Variants in PRELID2 observed in about 807,000 individuals in gnomAD.
The protein encoded by PRELID2 is PRELI domain-containing protein 2.
In PRELID2, 25 loss-of-function variants were observed where a neutral mutation model predicts 28.4. The ratio of observed to expected loss-of-function variants is 0.88; its 90% CI spans 0.64 to 1.23. The LOEUF is 1.23. Ranked by LOEUF, PRELID2 falls within the 50% of genes most tolerant of loss-of-function variation. The pLI is 0.00. For synonymous variants in PRELID2, 76 were observed against 71.6 expected (o/e 1.06, Z -0.31); for missense variants, 201 against 214.4 (o/e 0.94, Z 0.39).
chr5:145,471,556 T>C (rs1376782281), downstream of PRELID2, among the ~76,000 whole-genome samples: 2 of 152,146 alleles, frequency 1.3e-5, no homozygotes, highest in Non-Finnish European at 2.9e-5. Context: ...ATAATGATAA[T>C]ATGGGTACCA....
intron 1 of PRELID2, among the ~76,000 whole-genome samples, chr5:145,637,913 C>T (rs1462449894): frequency 3.3e-5 from 5 of 150,932 alleles, no homozygotes; most frequent in South Asian, 2.1e-4. Flanking sequence ...TGGGTTCAAG[C>T]GATTCTCCTG....
chr5:145,523,599 A>G (rs1752582229), intron 1 of PRELID2, among the ~76,000 whole-genome samples: 1 of 152,058 alleles, frequency 6.6e-6, no homozygotes, highest in Non-Finnish European at 1.5e-5. Context: ...TGTGGCCCCT[A>G]CTTTCTGTGC....
In PRELID2 at chr5:145,796,520, A is replaced by T; in HGVS notation, c.396T>A (p.Ile132=). The change falls in exon 5 of 7, where the codon ATT becomes ATA. Residue 132 remains isoleucine (I), a synonymous_variant. Transcript: ENST00000683046. ...NWTEFIQRGR[I]SITGVGFLNC... ...TGAGAAATCCAACCCCTGTGATTGA[A>T]ATCCTGCCTCTTTGAATGAACTCTG... 1 of 1,608,312 alleles carries T rather than the reference A, an allele frequency of 6.2e-7. No homozygotes were observed. Among genetic ancestry groups the T allele is most frequent in the Non-Finnish European group, 8.5e-7 (1 of 1,176,882 alleles).
chr5:145,739,822 AT>A (rs1313874701), intron 1 of PRELID2, among the ~76,000 whole-genome samples: 1 of 151,928 alleles, frequency 6.6e-6, no homozygotes, highest in Non-Finnish European at 1.5e-5. Context: ...CAACCACCTA[AT>A]TTTTTTAAAA....
rs1438862644 is a variant in PRELID2, at chr5:145,543,618, C to G, written n.71-70303G>C. 3.9e-5 allele frequency among the ~76,000 whole-genome samples: 6 copies of G among 152,062 alleles called. No individual in the cohort carries two copies. The East Asian group carries it at 1.2e-3, about 29-fold the overall frequency. ...CTCAAACTTTCTTTCTCTGAAAGAACAGTAGCCAGTAAAATTCCAATTTAG... is the reference window on the plus strand; with the variant it reads ...CTCAAACTTTCTTTCTCTGAAAGAAGAGTAGCCAGTAAAATTCCAATTTAG... On this transcript the variant is annotated intron_variant and non_coding_transcript_variant, in intron 1 of 2. Coordinates refer to the PRELID2 transcript ENST00000510259.
Position 145,756,845 on chromosome 5 carries a change from T to C in PRELID2, c.*3691A>G, listed in dbSNP as rs144585866. On this transcript the variant is annotated 3_prime_UTR_variant, in exon 7 of 7. Transcript: ENST00000683046. ...AGCTTCCTAGAGGTAGGCACAGTAA[T>C]GGGAGAGATAAATGACAGATAAAAG... Among the ~76,000 whole-genome samples, 21 of 152,118 alleles carry C rather than the reference T, an allele frequency of 1.4e-4. No individual in the cohort carries two copies. Among genetic ancestry groups the C allele is most frequent in the African/African-American group, 4.6e-4 (19 of 41,508 alleles).
intron 5 of PRELID2, among the ~76,000 whole-genome samples, chr5:145,790,951 T>C (rs1629310): frequency 0.79 from 118,185 of 149,562 alleles, 49,300 homozygotes; most frequent in Non-Finnish European, 0.92. Context: ...CAGATATTTA[T>C]ATACCCATGT....
the PRELID2 span, among the ~76,000 whole-genome samples, chr5:145,308,458 A>C: frequency 1.3e-5 from 2 of 152,194 alleles, no homozygotes; most frequent in Admixed American, 1.3e-4. Context: ...TATAATTCCT[A>C]GTCGAATTTC....
At chr5:145,511,272 A>G (rs1412472684) in intron 1 of PRELID2, among the ~76,000 whole-genome samples, 2 of 152,230 alleles carry the variant, frequency 1.3e-5, no homozygotes, top group Non-Finnish European at 2.9e-5. Context: ...CAAAGGCCAA[A>G]GAGTTCAAAT....
At chr5:145,309,310 G>A in the PRELID2 span, among the ~76,000 whole-genome samples, 1 of 152,140 alleles carries the variant, frequency 6.6e-6, no homozygotes, top group African/African-American at 2.4e-5. Context: ...GACGAGATCT[G>A]GGCTGGATCT....
At chr5:145,341,329 G>A in the PRELID2 span, among the ~76,000 whole-genome samples, 6 of 152,024 alleles carry the variant, frequency 3.9e-5, no homozygotes, top group Non-Finnish European at 7.4e-5. Context: ...TGAGGTACAA[G>A]AGAATTCTGA....
chr5:145,601,254 G>A (rs895688888), intron 1 of PRELID2, among the ~76,000 whole-genome samples: 3 of 152,066 alleles, frequency 2.0e-5, no homozygotes, highest in African/African-American at 7.2e-5. Flanking sequence ...GATTTTCACA[G>A]CAGATTAGAA....
intron 1 of PRELID2, among the ~76,000 whole-genome samples, chr5:145,474,032 C>T (rs1752078371): frequency 6.6e-6 from 1 of 152,114 alleles, no homozygotes; most frequent in Admixed American, 6.6e-5. Flanking sequence ...GTGTTTTTGG[C>T]TCCACTAAAG....
the PRELID2 span, among the ~76,000 whole-genome samples, chr5:145,408,410 T>TATATGTATAATATATATGTATAAC: frequency 1.9e-4 from 26 of 138,228 alleles, no homozygotes; most frequent in African/African-American, 2.3e-4. Flanking sequence ...TATATATATA[T>TATATGTATAATATATATGTATAAC]ATATATATGT....
At chr5:145,283,976 C>T in the PRELID2 span, among the ~76,000 whole-genome samples, 6 of 151,880 alleles carry the variant, frequency 4.0e-5, no homozygotes, top group Admixed American at 2.6e-4. Flanking sequence ...CAGAGTCTCC[C>T]GAAACCAAGT....
chr5:145,335,937 G>T, the PRELID2 span, among the ~76,000 whole-genome samples: 1 of 152,154 alleles, frequency 6.6e-6, no homozygotes. Context: ...AGCACCTGTT[G>T]TTTCCTGACT....
the PRELID2 span, among the ~76,000 whole-genome samples, chr5:145,246,348 T>C: frequency 3.9e-5 from 6 of 152,072 alleles, no homozygotes; most frequent in African/African-American, 9.7e-5. Context: ...GGGGATATAA[T>C]AGTGAATCAA....
At chr5:145,469,890 A>G (rs1191780856), downstream of PRELID2, among the ~76,000 whole-genome samples, 1 of 152,140 alleles carries the variant, frequency 6.6e-6, no homozygotes, top group East Asian at 1.9e-4. Flanking sequence ...TCTGCAAGAC[A>G]TCAGCTGAGG....
intron 1 of PRELID2, among the ~76,000 whole-genome samples, chr5:145,513,212 A>T (rs1358786091): frequency 6.6e-6 from 1 of 152,020 alleles, no homozygotes; most frequent in Non-Finnish European, 1.5e-5. Context: ...GCATGTTCTA[A>T]CCCAATGGAA....
Sources: gnomAD v4.1 joint callset for allele counts (sites outside exome capture counted in the v4.1 genomes callset) on GRCh38, gnomAD v4.1.1 for gene constraint, MANE v1.5 for transcripts, NCBI Gene and HGNC (gene_info 2026-07-23, HGNC 2026-07-21) for gene names.